C4orf33: variants seen among roughly 807,000 people sequenced by gnomAD.
C4orf33 encodes UPF0462 protein C4orf33.
Under a neutral mutation model 24.3 loss-of-function variants are expected in C4orf33, and 20 were observed. The ratio of observed to expected loss-of-function variants is 0.82; its 90% CI spans 0.58 to 1.19. C4orf33 has a LOEUF of 1.19. Among genes scored for constraint, C4orf33 ranks in the 50% most tolerant of loss-of-function variants. The probability of loss-of-function intolerance (pLI) is 0.00; values close to 1 mark genes in which losing one functional copy is unlikely to be tolerated. For missense variants in C4orf33, 207 were observed against 225.9 expected, an observed-to-expected ratio of 0.92 and a Z score of 0.54; for synonymous variants, 67 against 76.4, an observed-to-expected ratio of 0.88 and a Z score of 0.64.
At position 129,109,615 on chromosome 4, in the gene C4orf33, A is replaced by T; in HGVS notation, c.437A>T (p.Tyr146Phe). The change falls in exon 5 of 6, where the codon TAT becomes TTT. Residue 146 changes from tyrosine to phenylalanine, a missense_variant. Transcript: ENST00000425929. ...CATGGATCAAAAGATAAACGAAGTT[A>T]TGAAGCTCTTTACCCTGTACCTCAG... ...AIHGSKDKRS[Y>F]EALYPVPQHE... The T allele has an allele frequency of 6.2e-7, 1 of 1,614,098 alleles. No homozygotes were observed. The highest frequency in any genetic ancestry group is 1.3e-5 in the African/African-American group (1 of 75,078).
intron 2 of C4orf33, among the ~76,000 whole-genome samples, chr4:129,105,474 A>G (rs980035608): frequency 6.6e-6 from 1 of 152,212 alleles, no homozygotes; most frequent in Non-Finnish European, 1.5e-5. Context: ...ATTAACTATC[A>G]CAGTAGACAT....
In C4orf33 at chr4:129,106,661, G is replaced by T; in HGVS notation, c.242+14G>T. ...TGAACTTTGTCCGTAAGTATAAAAT[G>T]TTTTTTCTTACTTATTACTACATAA... On this transcript the variant is annotated intron_variant, in intron 3 of 5. Transcript: ENST00000425929. 7.3e-7 allele frequency: 1 copy of T among 1,366,566 alleles called. No individual in the cohort carries two copies. Among genetic ancestry groups the T allele is most frequent in the South Asian group, 1.3e-5 (1 of 77,176 alleles). 84.7% of individuals were successfully genotyped at this position (1,366,566 alleles called of 1,614,324 possible).
chr4:129,094,439 G>T (rs567800560), upstream of C4orf33, among the ~76,000 whole-genome samples: 32 of 152,258 alleles, frequency 2.1e-4, no homozygotes, highest in African/African-American at 7.7e-4. Flanking sequence ...CACTAAACAG[G>T]CATGTCATAG....
In C4orf33 at chr4:129,114,254, C is replaced by T. The variant is rs1753741748; in HGVS notation, c.*2463C>T. On this transcript the variant is annotated 3_prime_UTR_variant, in exon 6 of 6. Coordinates refer to ENST00000425929, the MANE Select transcript of C4orf33 (RefSeq NM_001099783.2). ...CGGGATGTGTGAAGGGACTAAAACA[C>T]CCCATGGGGCACCTCTTGACCAAAG... The T allele has an allele frequency of 6.6e-6, 1 of 152,176 alleles. No individual in the cohort carries two copies. The highest frequency in any genetic ancestry group is 2.1e-4 in the South Asian group (1 of 4,828). The allele number at this position is 152,176 out of a possible 1,614,324, so 9.4% of individuals were successfully genotyped here. A position where few individuals can be genotyped will look rare whatever the true frequency, so the allele number is the denominator to read the frequency against.
chr4:129,115,863 TAG>T lies in C4orf33; in HGVS notation c.*4081_*4082del, dbSNP rs35457698. 3 of 146,972 alleles carry T rather than the reference TAG, an allele frequency of 2.0e-5. No individual in the cohort carries two copies. Among genetic ancestry groups the T allele is most frequent in the Non-Finnish European group, 4.5e-5 (3 of 67,048 alleles). The allele number at this position is 146,972 out of a possible 1,614,324, so 9.1% of individuals were successfully genotyped here. A position where few individuals can be genotyped will look rare whatever the true frequency, so the allele number is the denominator to read the frequency against. On this transcript the variant is annotated 3_prime_UTR_variant, in exon 6 of 6. Transcript: ENST00000425929. ...TATGTTTATATATAACATATATATA[TAG>T]AGAGAGAGCATAAAATGTGCTGTGT...
intron 1 of C4orf33, among the ~76,000 whole-genome samples, chr4:129,097,908 A>C (rs945711359): frequency 6.6e-6 from 1 of 152,184 alleles, no homozygotes; most frequent in Non-Finnish European, 1.5e-5. Flanking sequence ...CATTTCTGTC[A>C]TTATAAGTGA....
Position 129,109,343 on chromosome 4 carries a change from A to C in C4orf33, c.279A>C (p.Arg93Ser). The change falls in exon 4 of 6, where the codon AGA becomes AGC. Residue 93 changes from arginine to serine, a missense_variant. Transcript: ENST00000425929. ...ATTTAGTGCTTTTACTTTCTGGAAG[A>C]AGAAATGTGTGGAAAGTAAGTAAAT... Reference protein sequence around the residue: ...GQHLVLLLSGRRNVWKQELPL... With the variant: ...GQHLVLLLSGSRNVWKQELPL... 1 of 1,614,092 alleles carries C rather than the reference A, an allele frequency of 6.2e-7. No individual in the cohort carries two copies. The highest frequency in any genetic ancestry group is 8.5e-7 in the Non-Finnish European group (1 of 1,179,906).
rs1267342679 is a variant in C4orf33, at chr4:129,111,775, A to G, written c.584A>G (p.Glu195Gly). 6.2e-7 allele frequency: 1 copy of G among 1,603,266 alleles called. No individual in the cohort carries two copies. The highest frequency in any genetic ancestry group is 1.1e-5 in the South Asian group (1 of 90,648). The change falls in exon 6 of 6, where the codon GAG becomes GGG. Residue 195 changes from glutamate to glycine, a missense_variant. By Grantham distance (98) the Glu-to-Gly change is moderately conservative (BLOSUM62 -2). Transcript: ENST00000425929. The part of the protein sequence containing the change: ...KQPESDLWLI[E>G]KCDI ...CCGGAATCAGACCTGTGGCTAATAG[A>G]GAAATGTGATATATAGGAGTAATAG...
chr4:129,102,548 A>G (rs952399361), intron 1 of C4orf33, 54 bp from the exon 2 acceptor site: 1 of 1,349,646 alleles, frequency 7.4e-7, no homozygotes, highest in African/African-American at 1.5e-5. Flanking sequence ...ATTTCCAACT[A>G]AAGAAAACAT....
intron 1 of C4orf33, among the ~76,000 whole-genome samples, chr4:129,097,897 G>T (rs914270490): frequency 1.3e-5 from 2 of 152,112 alleles, no homozygotes; most frequent in Non-Finnish European, 2.9e-5. Flanking sequence ...GTTTTAGTTT[G>T]CATTTCTGTC....
At chr4:129,102,055 GAGTTTTTTTTTAACTA>G (rs1753369671) in intron 1 of C4orf33, 1 of 70,148 alleles carries the variant, frequency 1.4e-5, no homozygotes, top group South Asian at 1.0e-3. Context: ...CTGATTTATG[GAGTTTTTTTTTAACTA>G]AGTTGAATTT....
Position 129,114,629 on chromosome 4 carries a change from A to G in C4orf33, c.*2838A>G, listed in dbSNP as rs1186821048. 2.0e-5 allele frequency: 3 copies of G among 152,330 alleles called. No individual in the cohort carries two copies. Among genetic ancestry groups the G allele is most frequent in the East Asian group, 1.9e-4 (1 of 5,176 alleles). The allele number at this position is 152,330 out of a possible 1,614,324, so 9.4% of individuals were successfully genotyped here. Reference sequence around the variant, plus strand: ...GGATGAGAATCTAGAATTGTATCACAGGGCATTTGGTGACAAGGACCCCAT... The same window carrying G: ...GGATGAGAATCTAGAATTGTATCACGGGGCATTTGGTGACAAGGACCCCAT... On this transcript the variant is annotated 3_prime_UTR_variant, in exon 6 of 6. Coordinates refer to ENST00000425929, the MANE Select transcript of C4orf33 (RefSeq NM_001099783.2).
rs1015462960 is a variant in C4orf33, at chr4:129,102,615, A to G, written c.5A>G (p.Asp2Gly). The change falls in exon 2 of 6, where the codon GAT (aspartate) becomes GGT (glycine). Residue 2 changes from aspartate to glycine, a missense_variant. Coordinates refer to ENST00000425929, the MANE Select transcript of C4orf33 (RefSeq NM_001099783.2). ...ATTTTCTTTTAGAGACTTCAGATGGATTTTAAAATTGAACACACTTGGGAT... is the reference window on the plus strand; with the variant it reads ...ATTTTCTTTTAGAGACTTCAGATGGGTTTTAAAATTGAACACACTTGGGAT... M[D>G]FKIEHTWDGF... 2.5e-6 allele frequency: 4 copies of G among 1,604,016 alleles called. No homozygotes were observed. The highest frequency in any genetic ancestry group is 1.7e-5 in the Admixed American group (1 of 57,586).
chr4:129,106,875 A>G (rs982377315), intron 3 of C4orf33, among the ~76,000 whole-genome samples: 5 of 151,884 alleles, frequency 3.3e-5, no homozygotes, highest in Admixed American at 1.3e-4. Context: ...TCCTATGTCA[A>G]TATTTTCAGT....
At chr4:129,105,307 A>T (rs1366979292) in intron 2 of C4orf33, among the ~76,000 whole-genome samples, 1 of 152,146 alleles carries the variant, frequency 6.6e-6, no homozygotes, top group African/African-American at 2.4e-5. Context: ...AACTGATTGG[A>T]TAAGCCCCAG....
At chr4:129,099,878 T>C (rs953378977) in intron 1 of C4orf33, among the ~76,000 whole-genome samples, 3 of 152,170 alleles carry the variant, frequency 2.0e-5, no homozygotes, top group African/African-American at 4.8e-5. Context: ...TTTATAAATA[T>C]TATGCATTCT....
intron 2 of C4orf33, 131 bp from the exon 3 acceptor site, chr4:129,106,456 C>T (rs1753519957): frequency 4.1e-6 from 2 of 488,876 alleles, no homozygotes; most frequent in South Asian, 3.4e-5. Context: ...ATTTTCTTTG[C>T]TCTTTTTCCT....
chr4:129,115,829 T>A lies in C4orf33; in HGVS notation c.*4038T>A, dbSNP rs1038483497. The A allele has an allele frequency of 6.7e-4, 32 of 47,678 alleles. No individual in the cohort carries two copies. Among genetic ancestry groups the A allele is most frequent in the Non-Finnish European group, 9.9e-4 (20 of 20,250 alleles). 3.0% of individuals were successfully genotyped at this position (47,678 alleles called of 1,614,324 possible). A position where few individuals can be genotyped will look rare whatever the true frequency, so the allele number is the denominator to read the frequency against. ...ATATATATATATATATATATATATA[T>A]AAAATATATATGTTTATATATAACA... On this transcript the variant is annotated 3_prime_UTR_variant, in exon 6 of 6. Coordinates refer to ENST00000425929, the MANE Select transcript of C4orf33 (RefSeq NM_001099783.2).
chr4:129,101,726 A>G (rs1291014480), intron 1 of C4orf33, among the ~76,000 whole-genome samples: 3 of 152,212 alleles, frequency 2.0e-5, no homozygotes, highest in Non-Finnish European at 4.4e-5. Flanking sequence ...TTATCAATGC[A>G]TTACAAGACT....
Sources: allele counts gnomAD v4.1 joint callset (sites outside exome capture counted in the v4.1 genomes callset), GRCh38; gene constraint gnomAD v4.1.1; transcripts MANE v1.5; gene names NCBI Gene and HGNC (gene_info 2026-07-23, HGNC 2026-07-21).